TTLL4: variants seen among roughly 807,000 people sequenced by gnomAD.
TTLL4 encodes tubulin tyrosine ligase like 4.
Under a neutral mutation model 122.7 loss-of-function variants are expected in TTLL4, and 85 were observed. The ratio of observed to expected loss-of-function variants is 0.69; its 90% CI spans 0.58 to 0.83. The LOEUF (loss-of-function observed/expected upper bound fraction) is 0.83, where lower values mean the gene tolerates loss of function less well. TTLL4 is among the 40% of genes least tolerant of loss of function. TTLL4 has a pLI of 0.00. For synonymous variants in TTLL4, 553 were observed against 563.0 expected (o/e 0.98, Z 0.25); for missense variants, 1,363 against 1,488.6 (o/e 0.92, Z 1.39).
chr2:218,740,458 G>A, intron 4 of TTLL4, 63 bp from the exon 5 acceptor site: 1 of 1,565,642 alleles, frequency 6.4e-7, no homozygotes, highest in Non-Finnish European at 8.8e-7. Flanking sequence ...GAGTTGCCTA[G>A]GCTTGGTAAG....
At chr2:218,720,360 G>A (rs1941995993) in intron 1 of TTLL4, among the ~76,000 whole-genome samples, 1 of 152,164 alleles carries the variant, frequency 6.6e-6, no homozygotes, top group Non-Finnish European at 1.5e-5. Flanking sequence ...CAGAGTGCAC[G>A]CACTGAGTAA....
At chr2:218,748,333 C>T (rs1942905750) in intron 12 of TTLL4, 106 bp downstream of exon 12, 2 of 1,475,530 alleles carry the variant, frequency 1.4e-6, no homozygotes, top group Admixed American at 2.2e-5. Context: ...AATATAAGAC[C>T]CAGAGATAAC....
intron 15 of TTLL4, among the ~76,000 whole-genome samples, chr2:218,751,430 AT>A (rs1943011116): frequency 6.6e-6 from 1 of 152,168 alleles, no homozygotes; most frequent in African/African-American, 2.4e-5. Flanking sequence ...ACTGAAGTAT[AT>A]ACCACAATAA....
At chr2:218,749,759 G>A (rs1313493392) in intron 14 of TTLL4, among the ~76,000 whole-genome samples, 2 of 152,034 alleles carry the variant, frequency 1.3e-5, no homozygotes, top group African/African-American at 4.8e-5. Flanking sequence ...GAGCCACCAC[G>A]CCCAGCCAGT....
chr2:218,742,933 G>A (rs938635766), intron 5 of TTLL4, among the ~76,000 whole-genome samples: 1 of 151,952 alleles, frequency 6.6e-6, no homozygotes, highest in Non-Finnish European at 1.5e-5. Context: ...GACCAGCCTG[G>A]CCAACATGGT....
Position 218,753,565 on chromosome 2 carries a change from T to G in TTLL4, c.3259-19T>G. The G allele has an allele frequency of 6.2e-7, 1 of 1,613,800 alleles. No homozygotes were observed. The highest frequency in any genetic ancestry group is 1.7e-4 in the Middle Eastern group (1 of 6,050). ...GCCTCCGCCAAGCCTTTTGGTCTCA[T>G]TGCTTCCTTTGCTCTTAGTGGTCTC... On this transcript the variant is annotated intron_variant, in intron 18 of 19. Transcript: ENST00000392102.
chr2:218,740,266 A>G (rs188804138), intron 4 of TTLL4, 99 bp downstream of exon 4: 47 of 1,202,390 alleles, frequency 3.9e-5, no homozygotes, highest in Admixed American at 1.9e-4. Context: ...CACATTACCT[A>G]CATCAGTCAT....
chr2:218,751,910 CTTT>C (rs552683126), intron 16 of TTLL4, 104 bp downstream of exon 16: 258 of 432,278 alleles, frequency 6.0e-4, no homozygotes, highest in South Asian at 1.5e-3. Flanking sequence ...TTTTCTTTTT[CTTT>C]TTTTTTTTTT....
rs771025421 is a variant in TTLL4 at position 218,721,222 on chromosome 2, C to G, written c.-177-6047C>G. Among the ~76,000 whole-genome samples the G allele has an allele frequency of 4.9e-4, 66 of 136,046 alleles. 1 individual carries two copies. The highest frequency in any genetic ancestry group is 8.3e-4 in the Non-Finnish European group (55 of 65,918). 89.3% of individuals were successfully genotyped at this position (136,046 alleles called of 152,430 possible). A position where few individuals can be genotyped will look rare whatever the true frequency, so the allele number is the denominator to read the frequency against. Reference sequence around the variant, plus strand: ...AACCCCATGGGGGGGTTTTGGGAACCTCAATTTACCCCCAATTAATTAATT... The same window carrying G: ...AACCCCATGGGGGGGTTTTGGGAACGTCAATTTACCCCCAATTAATTAATT... On this transcript the variant is annotated intron_variant, in intron 1 of 19. Transcript: ENST00000392102.
Position 218,752,971 on chromosome 2 carries a change from A to T in TTLL4, c.3185A>T (p.Lys1062Ile). The T allele has an allele frequency of 6.2e-7, 1 of 1,614,222 alleles. No individual in the cohort carries two copies. Among genetic ancestry groups the T allele is most frequent in the Non-Finnish European group, 8.5e-7 (1 of 1,180,046 alleles). ...WEQKYHGNKL[K>I]GVDLLRSWCY... is the part of the protein sequence containing the mutation. ...CAGAAATACCATGGCAACAAGCTTA[A>T]AGGTGATGTGCCCTCCCTGCCCTCA... Residue 1062 changes from lysine to isoleucine, a missense_variant and splice_region_variant, in exon 17 of 20, where the codon AAA becomes ATA. By Grantham distance (102) the Lys-to-Ile change is moderately radical (BLOSUM62 -3). Coordinates refer to ENST00000392102, the MANE Select transcript of TTLL4 (RefSeq NM_014640.5).
In TTLL4 at chr2:218,747,903, C is replaced by A; in HGVS notation, c.2378+178C>A. 4 of 1,131,648 alleles carry A rather than the reference C, an allele frequency of 3.5e-6. No homozygotes were observed. Among genetic ancestry groups the A allele is most frequent in the Non-Finnish European group, 5.0e-6 (4 of 801,602 alleles). The allele number at this position is 1,131,648 out of a possible 1,614,324, so 70.1% of individuals were successfully genotyped here. A position where few individuals can be genotyped will look rare whatever the true frequency, so the allele number is the denominator to read the frequency against. On this transcript the variant is annotated intron_variant, in intron 11 of 19. Coordinates refer to ENST00000392102, the MANE Select transcript of TTLL4 (RefSeq NM_014640.5). The surrounding 1 kb of genome is among the most constrained non-coding windows in gnomAD (Gnocchi z 4.7). ...AATCTGGGGAGGGTCTTCCTGCATG[C>A]GGGACTGAGGTGGGATAAAGGAGAT...
At chr2:218,725,755 C>T (rs951161236) in intron 1 of TTLL4, among the ~76,000 whole-genome samples, 5 of 151,722 alleles carry the variant, frequency 3.3e-5, no homozygotes, top group Middle Eastern at 3.4e-3. Context: ...GGGGTTTCAC[C>T]GTGTTGGCCA....
At chr2:218,715,263 G>A (rs777155379) in intron 1 of TTLL4, among the ~76,000 whole-genome samples, 2 of 152,186 alleles carry the variant, frequency 1.3e-5, no homozygotes, top group Non-Finnish European at 2.9e-5. Flanking sequence ...GGCTGGAAAA[G>A]GATGAAGTAT....
chr2:218,745,343 T>G, intron 6 of TTLL4, 110 bp downstream of exon 6: 1 of 1,456,868 alleles, frequency 6.9e-7, no homozygotes. Context: ...ATGGCTGTTG[T>G]GGCAGTTGTC....
At position 218,735,594 on chromosome 2, in the gene TTLL4, A is replaced by G. The variant is rs561395373; in HGVS notation, c.-98-1985A>G. On this transcript the variant is annotated intron_variant, in intron 2 of 19. Coordinates refer to ENST00000392102, the MANE Select transcript of TTLL4 (RefSeq NM_014640.5). ...CAAAACAAAACAAAACCTCTCTGCA[A>G]ATTCCTTCCCTCTAGCTACTCTGAA... Among the ~76,000 whole-genome samples, 91 of 152,142 alleles carry G rather than the reference A, an allele frequency of 6.0e-4. 1 individual carries two copies. Among genetic ancestry groups the G allele is most frequent in the African/African-American group, 2.1e-3 (88 of 41,522 alleles).
chr2:218,744,986 C>T lies in TTLL4; in HGVS notation c.1662-123C>T, dbSNP rs1440322244. 12 of 1,334,420 alleles carry T rather than the reference C, an allele frequency of 9.0e-6. No homozygotes were observed. The South Asian group carries it at 1.3e-4, about 14-fold the overall frequency. 82.7% of individuals were successfully genotyped at this position (1,334,420 alleles called of 1,614,324 possible). ...CAAAATAATTATTAATTATTGAGCA[C>T]CTGGCTTTTTAGAATCACAAGTTAA... is the stretch of plus-strand genomic sequence containing the variant. On this transcript the variant is annotated intron_variant, in intron 5 of 19. Transcript: ENST00000392102.
At chr2:218,720,560 G>T (rs1360064524) in intron 1 of TTLL4, among the ~76,000 whole-genome samples, 3 of 151,806 alleles carry the variant, frequency 2.0e-5, no homozygotes, top group African/African-American at 4.8e-5. Flanking sequence ...TGTAATCCCG[G>T]CTATTCGGGA....
At position 218,738,693 on chromosome 2, in the gene TTLL4, CGT is replaced by C; in HGVS notation, c.1019_1020del (p.Val340GlufsTer9). 1.2e-6 allele frequency: 2 copies of C among 1,614,164 alleles called. No individual in the cohort carries two copies. The highest frequency in any genetic ancestry group is 2.2e-5 in the South Asian group (2 of 91,086). On this transcript the variant is annotated frameshift_variant, in exon 3 of 20. Transcript: ENST00000392102. LOFTEE classifies it high-confidence loss of function. The part of the protein sequence containing the change: ...PTKEIRFTEA[V>X]RKLTARGFEK... ...CTAAGGAGATTCGGTTCACTGAGGC[CGT>C]GAGGAAATTGACCGCAAGAGGCTTT...
chr2:218,722,307 T>G (rs1210592851), intron 1 of TTLL4, among the ~76,000 whole-genome samples: 1 of 151,230 alleles, frequency 6.6e-6, no homozygotes, highest in Non-Finnish European at 1.5e-5. Context: ...TTTGTCTGTT[T>G]CCAACCTCAT....
Sources: allele counts gnomAD v4.1 joint callset (sites outside exome capture counted in the v4.1 genomes callset), GRCh38; gene constraint gnomAD v4.1.1; non-coding constraint Gnocchi (gnomAD v3.1); transcripts MANE v1.5; gene names NCBI Gene and HGNC (gene_info 2026-07-23, HGNC 2026-07-21).